AK9: variants seen among roughly 807,000 people sequenced by gnomAD.
AK9 encodes adenylate kinase 9, also known as adenylate kinase domain containing 1.
A neutral mutation model predicts 239.6 loss-of-function variants in AK9; 191 were observed. The ratio of observed to expected loss-of-function variants is 0.80; its 90% CI spans 0.71 to 0.90. The LOEUF (loss-of-function observed/expected upper bound fraction) is 0.90. Among genes scored for constraint, AK9 ranks in the 40% least tolerant of loss-of-function variants. AK9 has a pLI of 0.00. For missense variants in AK9, 1,995 were observed against 2,214.7 expected (o/e 0.90, Z 1.99); for synonymous variants, 689 against 721.0 (o/e 0.96, Z 0.71).
chr6:109,498,932 T>C (rs1452767018), intron 36 of AK9, 112 bp downstream of exon 36: 10 of 885,714 alleles, frequency 1.1e-5, no homozygotes, highest in African/African-American at 5.3e-5. Flanking sequence ...CAAGTTCCAG[T>C]AATGGGGCTC....
intron 12 of AK9, among the ~76,000 whole-genome samples, chr6:109,621,893 T>TAAAAAAAAAAAAA (rs59405869): frequency 1.4e-4 from 8 of 55,502 alleles, no homozygotes; most frequent in Non-Finnish European, 1.6e-4. Context: ...AAAGTATAAT[T>TAAAAAAAAAAAAA]AAAAAAAAAA....
chr6:109,601,372 T>C (rs549741916), intron 17 of AK9, among the ~76,000 whole-genome samples: 38 of 152,362 alleles, frequency 2.5e-4, no homozygotes, highest in African/African-American at 9.1e-4. Context: ...TGAGTTTCGA[T>C]GTAGTTGAGC....
At chr6:109,529,859 TACAGATGAA>T (rs1781004659) in intron 28 of AK9, among the ~76,000 whole-genome samples, 1 of 152,124 alleles carries the variant, frequency 6.6e-6, no homozygotes, top group African/African-American at 2.4e-5. Context: ...CGGCTGTAAA[TACAGATGAA>T]GCTTCACTCA....
chr6:109,564,837 G>A lies in AK9; in HGVS notation c.2353C>T (p.Pro785Ser). The A allele has an allele frequency of 6.5e-7, 1 of 1,535,150 alleles. No individual in the cohort carries two copies. Among genetic ancestry groups the A allele is most frequent in the Non-Finnish European group, 8.8e-7 (1 of 1,139,806 alleles). Residue 785 changes from proline (P) to serine (S), a missense_variant, in exon 22 of 41, where the codon CCT becomes TCT. Pro to Ser is a moderately conservative substitution (Grantham distance 74). This residue lies in a region of AK9 where 1,290 missense variants were observed against 1,392.7 expected (regional missense o/e 0.93). Coordinates refer to ENST00000424296, the MANE Select transcript of AK9 (RefSeq NM_001145128.3). ...GTTTCCACTGTAGTTTCCTCGATAG[G>A]CTCAGATACTTAAGAAAGAAATCGA... ...PETEPEAVSE[P>S]IEETTVETEI...
chr6:109,653,588 T>C (rs776903084), intron 8 of AK9, among the ~76,000 whole-genome samples: 4 of 152,214 alleles, frequency 2.6e-5, no homozygotes, highest in Non-Finnish European at 5.9e-5. Context: ...CTTTTGAATG[T>C]ATTTATGGCG....
At chr6:109,530,724 A>G (rs1230334776) in intron 28 of AK9, among the ~76,000 whole-genome samples, 1 of 152,222 alleles carries the variant, frequency 6.6e-6, no homozygotes, top group East Asian at 1.9e-4. Context: ...CTCAAAACAT[A>G]TCTGCAAGGC....
At chr6:109,641,433 C>T in intron 10 of AK9, 85 bp downstream of exon 10, 1 of 1,057,364 alleles carries the variant, frequency 9.5e-7, no homozygotes, top group South Asian at 1.4e-5. Flanking sequence ...AGTGATCCTC[C>T]CATGGGATTA....
At chr6:109,548,137 T>C (rs1015381238) in intron 25 of AK9, among the ~76,000 whole-genome samples, 1 of 152,204 alleles carries the variant, frequency 6.6e-6, no homozygotes, top group Non-Finnish European at 1.5e-5. Context: ...AAAGCCATTA[T>C]GGAAAACAGT....
chr6:109,684,594 G>T (rs1347971801), intron 1 of AK9, among the ~76,000 whole-genome samples: 5 of 151,698 alleles, frequency 3.3e-5, no homozygotes, highest in African/African-American at 1.2e-4. Context: ...GGCAAAGGAG[G>T]CCGGGCGCGG....
intron 24 of AK9, among the ~76,000 whole-genome samples, chr6:109,551,844 G>A (rs185701853): frequency 2.5e-4 from 37 of 150,718 alleles, no homozygotes; most frequent in Admixed American, 9.9e-4. Flanking sequence ...ATGGTGGTTT[G>A]CTCCAACTAT....
At chr6:109,506,834 C>A in intron 33 of AK9, 34 bp from the exon 34 acceptor site, 1 of 1,461,180 alleles carries the variant, frequency 6.8e-7, no homozygotes. Flanking sequence ...AAAAATTCCA[C>A]ATTTCTTTTT....
intron 17 of AK9, among the ~76,000 whole-genome samples, chr6:109,587,693 A>G (rs1246800337): frequency 6.6e-6 from 1 of 152,204 alleles, no homozygotes; most frequent in East Asian, 1.9e-4. Context: ...TTCATTCTTC[A>G]CTAATGAACA....
intron 23 of AK9, 56 bp downstream of exon 23, chr6:109,564,024 T>G: frequency 2.1e-6 from 3 of 1,454,158 alleles, no homozygotes; most frequent in Admixed American, 2.4e-5. Flanking sequence ...AGTTTCAAAA[T>G]GCTTCTAATA....
At chr6:109,558,905 C>G (rs1785345668) in intron 24 of AK9, among the ~76,000 whole-genome samples, 1 of 149,986 alleles carries the variant, frequency 6.7e-6, no homozygotes, top group Non-Finnish European at 1.5e-5. Flanking sequence ...GCTCTGTCGC[C>G]TAGGCTGGGG....
intron 16 of AK9, among the ~76,000 whole-genome samples, chr6:109,610,914 G>C (rs1275000005): frequency 6.6e-6 from 1 of 152,210 alleles, no homozygotes; most frequent in Non-Finnish European, 1.5e-5. Context: ...GGGACAGTGA[G>C]AGGACAAGAG....
chr6:109,559,855 T>C (rs939096797), intron 24 of AK9, among the ~76,000 whole-genome samples: 7 of 152,166 alleles, frequency 4.6e-5, no homozygotes, highest in Non-Finnish European at 7.4e-5. Context: ...CCCAGAGAGT[T>C]TTATGGGGCT....
At chr6:109,547,133 T>A (rs1337377431) in intron 25 of AK9, among the ~76,000 whole-genome samples, 3 of 152,030 alleles carry the variant, frequency 2.0e-5, no homozygotes, top group African/African-American at 7.2e-5. Context: ...CCAACACCAG[T>A]GGATTGGGGC....
At chr6:109,506,924 T>G in intron 33 of AK9, 124 bp from the exon 34 acceptor site, 2 of 1,363,370 alleles carry the variant, frequency 1.5e-6, no homozygotes, top group East Asian at 5.2e-5. Flanking sequence ...GTAACTCAAT[T>G]TATTTTCTTC....
chr6:109,628,057 T>C (rs6909721), intron 12 of AK9, among the ~76,000 whole-genome samples: 2 of 152,278 alleles, frequency 1.3e-5, no homozygotes, highest in African/African-American at 4.8e-5. Flanking sequence ...TGAGGAGTGG[T>C]TGTAGGCTTG....
Sources: allele counts gnomAD v4.1 joint callset (sites outside exome capture counted in the v4.1 genomes callset), GRCh38; gene constraint gnomAD v4.1.1; regional missense constraint gnomAD v4.1.1; transcripts MANE v1.5; gene names NCBI Gene and HGNC (gene_info 2026-07-23, HGNC 2026-07-21).